NBEA: variants seen among roughly 807,000 people sequenced by gnomAD.
NBEA encodes neurobeachin.
Under a neutral mutation model 343.4 loss-of-function variants are expected in NBEA, and 44 were observed. That is an observed-to-expected ratio of 0.13 (90% CI 0.10 to 0.16). The LOEUF (loss-of-function observed/expected upper bound fraction) is 0.16, where lower values mean the gene tolerates loss of function less well. Ranked by LOEUF, NBEA falls within the 10% of genes least tolerant of loss-of-function variation. The pLI is 1.00. For missense variants in NBEA, 2,555 were observed against 3,631.3 expected (o/e 0.70, Z 7.62); for synonymous variants, 1,175 against 1,238.7 (o/e 0.95, Z 1.08).
Position 35,076,800 on chromosome 13 carries a change from A to G in NBEA, c.1571+5948A>G, listed in dbSNP as rs79320483. Among the ~76,000 whole-genome samples the G allele has an allele frequency of 3.3e-4, 50 of 152,154 alleles. No individual in the cohort carries two copies. In the East Asian group the frequency reaches 3.9e-3, roughly 12 times the overall value. On this transcript the variant is annotated intron_variant, in intron 10 of 58. Transcript: ENST00000379939. ...TTGTCTTTAATTTTTCAGTCTTACT[A>G]TCTTCTAACAGGAGTATTGTTATTT...
chr13:35,650,616 C>T (rs1296988551), intron 52 of NBEA, among the ~76,000 whole-genome samples: 1 of 152,120 alleles, frequency 6.6e-6, no homozygotes, highest in Non-Finnish European at 1.5e-5. Flanking sequence ...GCAGGAGAAA[C>T]GCTTGAACCC....
chr13:35,461,144 T>C (rs1386618798), intron 40 of NBEA, among the ~76,000 whole-genome samples: 3 of 152,226 alleles, frequency 2.0e-5, no homozygotes, highest in Admixed American at 6.5e-5. Flanking sequence ...CATTGAGGGT[T>C]AAATTTCAAC....
intron 41 of NBEA, among the ~76,000 whole-genome samples, chr13:35,508,739 T>G (rs528621536): frequency 6.6e-6 from 1 of 152,254 alleles, no homozygotes; most frequent in East Asian, 1.9e-4. Context: ...TAGGAGACAT[T>G]TCAGTGGTAA....
intron 32 of NBEA, 41 bp downstream of exon 32, chr13:35,208,895 G>A: frequency 1.5e-6 from 2 of 1,351,708 alleles, no homozygotes; most frequent in South Asian, 1.7e-5. Context: ...ATCTTTTTAT[G>A]TTTTCTGTAT....
At chr13:35,588,930 A>C (rs1198668365) in intron 46 of NBEA, among the ~76,000 whole-genome samples, 3 of 152,146 alleles carry the variant, frequency 2.0e-5, no homozygotes. Flanking sequence ...TGTGTAAATT[A>C]TGGCTTGTTT....
intron 36 of NBEA, among the ~76,000 whole-genome samples, chr13:35,348,770 T>C (rs1437671914): frequency 2.6e-5 from 4 of 152,086 alleles, no homozygotes; most frequent in Non-Finnish European, 5.9e-5. Flanking sequence ...ATTGAACTTA[T>C]CTGTGAAAAA....
intron 48 of NBEA, among the ~76,000 whole-genome samples, chr13:35,626,943 A>C (rs2083257201): frequency 6.6e-6 from 1 of 151,982 alleles, no homozygotes; most frequent in Admixed American, 6.6e-5. Context: ...GATGAAATAC[A>C]AAAAATTTTG....
chr13:35,373,609 G>A (rs552988901), intron 38 of NBEA, among the ~76,000 whole-genome samples: 2 of 152,026 alleles, frequency 1.3e-5, no homozygotes, highest in South Asian at 2.1e-4. Flanking sequence ...GGAGGCTGAG[G>A]TGGGAGGATC....
intron 49 of NBEA, among the ~76,000 whole-genome samples, chr13:35,644,008 G>C (rs1013094803): frequency 6.6e-6 from 1 of 152,136 alleles, no homozygotes; most frequent in African/African-American, 2.4e-5. Context: ...ATGACAAGAA[G>C]TAGAACTTAA....
chr13:35,546,380 G>A (rs1369785883), intron 41 of NBEA, among the ~76,000 whole-genome samples: 3 of 151,538 alleles, frequency 2.0e-5, no homozygotes, highest in African/African-American at 4.9e-5. Flanking sequence ...TGGGAGAATC[G>A]CTCGAACCCA....
intron 58 of NBEA, among the ~76,000 whole-genome samples, chr13:35,670,199 CAGTCAG>C (rs978689745): frequency 2.6e-5 from 4 of 152,130 alleles, no homozygotes; most frequent in Admixed American, 2.6e-4. Flanking sequence ...AACCTGAGTT[CAGTCAG>C]TGGCAGTGGG....
chr13:35,560,984 G>T (rs909551852), intron 44 of NBEA, among the ~76,000 whole-genome samples: 1 of 152,110 alleles, frequency 6.6e-6, no homozygotes, highest in African/African-American at 2.4e-5. Context: ...GGATTGAGCC[G>T]CAAGAAGCTG....
chr13:34,972,928 GT>G (rs1322761469), intron 1 of NBEA, among the ~76,000 whole-genome samples: 1 of 152,134 alleles, frequency 6.6e-6, no homozygotes, highest in East Asian at 1.9e-4. Context: ...GGTTTTTTGA[GT>G]TTTCAATGTT....
intron 10 of NBEA, among the ~76,000 whole-genome samples, chr13:35,093,002 A>G (rs1466211887): frequency 1.3e-5 from 2 of 152,050 alleles, no homozygotes; most frequent in Non-Finnish European, 2.9e-5. Context: ...CTCATCAACT[A>G]AAAAGAATGG....
chr13:35,274,677 A>C (rs898142932), intron 34 of NBEA, among the ~76,000 whole-genome samples: 1 of 152,206 alleles, frequency 6.6e-6, no homozygotes, highest in East Asian at 1.9e-4. Context: ...CTCAGGTACA[A>C]AATCAATGTG....
chr13:35,313,071 G>A (rs1280949896), intron 36 of NBEA, among the ~76,000 whole-genome samples: 3 of 152,162 alleles, frequency 2.0e-5, no homozygotes, highest in African/African-American at 7.2e-5. Flanking sequence ...AATAGAGTGA[G>A]TGGAGAACCA....
At chr13:35,392,666 A>G (rs1363886491) in intron 38 of NBEA, among the ~76,000 whole-genome samples, 2 of 152,176 alleles carry the variant, frequency 1.3e-5, no homozygotes, top group Non-Finnish European at 2.9e-5. Flanking sequence ...AAACATACTC[A>G]ATCCCAAGGG....
rs149763244 is a variant in NBEA at position 35,283,168 on chromosome 13, A to G, written c.5777-7221A>G. On this transcript the variant is annotated intron_variant, in intron 34 of 58. Transcript: ENST00000379939. ...GAAGATTTATCTGTGAGTGTTATGA[A>G]CTTCAATTCTGGCATTATGTAAAAA... 2.1e-3 allele frequency among the ~76,000 whole-genome samples: 326 copies of G among 152,246 alleles called. 2 individuals carry two copies. Among genetic ancestry groups the G allele is most frequent in the Middle Eastern group, 6.8e-3 (2 of 294 alleles).
chr13:35,199,239 A>G (rs2072846774), intron 31 of NBEA, among the ~76,000 whole-genome samples: 1 of 152,146 alleles, frequency 6.6e-6, no homozygotes, highest in African/African-American at 2.4e-5. Flanking sequence ...CTATAATTAC[A>G]TTATGAGGTA....
Sources: allele counts gnomAD v4.1 joint callset (sites outside exome capture counted in the v4.1 genomes callset), GRCh38; gene constraint gnomAD v4.1.1; transcripts MANE v1.5; gene names NCBI Gene and HGNC (gene_info 2026-07-23, HGNC 2026-07-21).